KCNB2: variants seen among roughly 807,000 people sequenced by gnomAD.
KCNB2 encodes the protein delayed rectifier potassium channel protein.
In KCNB2, 15 loss-of-function variants were observed where a neutral mutation model predicts 61.5. That is an observed-to-expected ratio of 0.24 (90% CI 0.16 to 0.38). KCNB2 has a LOEUF of 0.38. KCNB2 is among the 10% of genes least tolerant of loss of function. The pLI is 1.00. For synonymous variants in KCNB2, 457 were observed against 446.0 expected (o/e 1.02, Z -0.31); for missense variants, 828 against 1,125.2 (o/e 0.74, Z 3.78).
intron 2 of KCNB2, among the ~76,000 whole-genome samples, chr8:72,678,222 C>G (rs1174239691): frequency 6.6e-6 from 1 of 152,176 alleles, no homozygotes; most frequent in Admixed American, 6.5e-5. Flanking sequence ...TCTCTTAACT[C>G]GTTTATTGCA....
chr8:72,732,434 T>TAGGA (rs1165852241), intron 2 of KCNB2, among the ~76,000 whole-genome samples: 1 of 152,260 alleles, frequency 6.6e-6, no homozygotes, highest in Non-Finnish European at 1.5e-5. Context: ...CACAGGCTTC[T>TAGGA]AGGAAATGTC....
At chr8:72,713,451 C>T (rs927793666) in intron 2 of KCNB2, among the ~76,000 whole-genome samples, 11 of 152,192 alleles carry the variant, frequency 7.2e-5, no homozygotes, top group African/African-American at 2.7e-4. Context: ...AGGTACTCCT[C>T]TGAGACAAAA....
chr8:72,731,896 G>A (rs1807746358), intron 2 of KCNB2: 1 of 152,158 alleles, frequency 6.6e-6, no homozygotes, highest in South Asian at 2.1e-4. Context: ...GGCCACTTTG[G>A]TTTCCTAGGA....
chr8:72,540,141 T>C (rs768438298), intron 1 of KCNB2, among the ~76,000 whole-genome samples: 3 of 152,192 alleles, frequency 2.0e-5, no homozygotes, highest in African/African-American at 4.8e-5. Flanking sequence ...TATATGTGTA[T>C]AACATATTGT....
intron 2 of KCNB2, among the ~76,000 whole-genome samples, chr8:72,623,939 T>A (rs1805750386): frequency 6.6e-6 from 1 of 152,166 alleles, no homozygotes; most frequent in Admixed American, 6.5e-5. Flanking sequence ...TGATCACCCC[T>A]TTCTTTCATG....
intron 2 of KCNB2, among the ~76,000 whole-genome samples, chr8:72,696,414 A>G (rs1229330304): frequency 6.6e-6 from 1 of 152,174 alleles, no homozygotes. Context: ...GATAAAGACA[A>G]CAGACCTTTC....
chr8:72,759,265 A>G lies in KCNB2; in HGVS notation c.580-176670A>G, dbSNP rs887370641. On this transcript the variant is annotated intron_variant, in intron 2 of 2. Transcript: ENST00000523207. Reference sequence around the variant, plus strand: ...ACTTTATGATACTATATTACATAATAAAATACGGAAAATGAAACTCGCCCT... The same window carrying G: ...ACTTTATGATACTATATTACATAATGAAATACGGAAAATGAAACTCGCCCT... Among the ~76,000 whole-genome samples the G allele has an allele frequency of 3.3e-5, 5 of 152,200 alleles. No homozygotes were observed. The South Asian group carries it at 6.2e-4, about 19-fold the overall frequency.
intron 2 of KCNB2, among the ~76,000 whole-genome samples, chr8:72,923,716 A>G (rs777129744): frequency 1.2e-4 from 18 of 152,148 alleles, no homozygotes; most frequent in Non-Finnish European, 1.8e-4. Flanking sequence ...TTAGTCAGCA[A>G]CATGCACAGA....
intron 2 of KCNB2, among the ~76,000 whole-genome samples, chr8:72,774,543 T>C (rs981718979): frequency 3.3e-5 from 5 of 151,980 alleles, no homozygotes; most frequent in Non-Finnish European, 5.9e-5. Flanking sequence ...AGAGACGGAG[T>C]TTCCACATGT....
chr8:72,909,420 G>C (rs543786240), intron 2 of KCNB2, among the ~76,000 whole-genome samples: 3 of 152,122 alleles, frequency 2.0e-5, no homozygotes, highest in Non-Finnish European at 4.4e-5. Context: ...GTGTGGAGGA[G>C]AGGAGCGGCA....
At chr8:72,680,588 C>A (rs528297091) in intron 2 of KCNB2, among the ~76,000 whole-genome samples, 1 of 152,140 alleles carries the variant, frequency 6.6e-6, no homozygotes, top group South Asian at 2.1e-4. Flanking sequence ...AGGTGGGAGG[C>A]AGTGAGGTAT....
At chr8:72,689,131 T>TAG (rs552001212) in intron 2 of KCNB2, among the ~76,000 whole-genome samples, 1 of 151,940 alleles carries the variant, frequency 6.6e-6, no homozygotes, top group Non-Finnish European at 1.5e-5. Flanking sequence ...TAAATGGAGA[T>TAG]AGAGAGAGAG....
intron 2 of KCNB2, among the ~76,000 whole-genome samples, chr8:72,738,130 G>A (rs1807881743): frequency 6.6e-6 from 1 of 152,112 alleles, no homozygotes; most frequent in South Asian, 2.1e-4. Flanking sequence ...TGGGGTTTGG[G>A]TAGCCAATGC....
intron 2 of KCNB2, among the ~76,000 whole-genome samples, chr8:72,699,456 T>A (rs1563563398): frequency 6.6e-6 from 1 of 152,178 alleles, no homozygotes; most frequent in Non-Finnish European, 1.5e-5. Context: ...TTTTTTTTCT[T>A]GTAAATTTGT....
At chr8:72,768,710 A>G (rs1158995533) in intron 2 of KCNB2, among the ~76,000 whole-genome samples, 2 of 152,056 alleles carry the variant, frequency 1.3e-5, no homozygotes, top group African/African-American at 2.4e-5. Context: ...CACTTATTCT[A>G]TGATTGATTT....
At chr8:72,694,928 G>T in intron 2 of KCNB2, among the ~76,000 whole-genome samples, 1 of 151,920 alleles carries the variant, frequency 6.6e-6, no homozygotes, top group East Asian at 1.9e-4. Flanking sequence ...CTCTTAAACT[G>T]ATATTTTTCC....
chr8:72,859,461 G>T (rs1810259703), intron 2 of KCNB2, among the ~76,000 whole-genome samples: 1 of 151,762 alleles, frequency 6.6e-6, no homozygotes, highest in Admixed American at 6.6e-5. Context: ...ATCCATTTTA[G>T]CACATTTTCT....
At chr8:72,867,198 A>C (rs1190100560) in intron 2 of KCNB2, among the ~76,000 whole-genome samples, 4 of 152,262 alleles carry the variant, frequency 2.6e-5, no homozygotes, top group Non-Finnish European at 5.9e-5. Context: ...GTATCTACAC[A>C]AGTAACACCT....
chr8:72,759,096 G>A (rs1808337705), intron 2 of KCNB2, among the ~76,000 whole-genome samples: 2 of 152,176 alleles, frequency 1.3e-5, no homozygotes. Flanking sequence ...CGGGGATAGA[G>A]TGGAGGCAGA....
Sources: gnomAD v4.1 joint callset for allele counts (sites outside exome capture counted in the v4.1 genomes callset) on GRCh38, gnomAD v4.1.1 for gene constraint, MANE v1.5 for transcripts, NCBI Gene and HGNC (gene_info 2026-07-23, HGNC 2026-07-21) for gene names.